Variants in NUDT3 observed in about 807,000 individuals in gnomAD.
NUDT3 encodes diphosphoinositol polyphosphate phosphohydrolase 1.
NUDT3 carries 9 observed loss-of-function variants against 23.6 expected under a neutral mutation model. The observed-to-expected ratio is 0.38, with a 90% CI of 0.23 to 0.66. The LOEUF is 0.66. Among genes scored for constraint, NUDT3 ranks in the 30% least tolerant of loss-of-function variants. The pLI is 0.52. For missense variants in NUDT3, 172 were observed against 218.5 expected, an observed-to-expected ratio of 0.79 and a Z score of 1.34; for synonymous variants, 86 against 82.6, an observed-to-expected ratio of 1.04 and a Z score of -0.22.
chr6:34,331,576 T>C (rs907259995), intron 2 of NUDT3, among the ~76,000 whole-genome samples: 1 of 152,120 alleles, frequency 6.6e-6, no homozygotes, highest in African/African-American at 2.4e-5. Flanking sequence ...ACTATTAGGA[T>C]AGAAGTGAGG....
intron 2 of NUDT3, among the ~76,000 whole-genome samples, chr6:34,323,293 C>A (rs755550510): frequency 5.9e-5 from 9 of 152,058 alleles, no homozygotes; most frequent in Non-Finnish European, 8.8e-5. Flanking sequence ...GAAAGACGGG[C>A]TGGGCACAGT....
Position 34,280,423 on chromosome 6 carries a change from G to C in NUDT3, c.*8330C>G, listed in dbSNP as rs1445384682. On this transcript the variant is annotated 3_prime_UTR_variant, in exon 5 of 5. Transcript: ENST00000607016. ...TAAATCCTGGACAGCATTTGGATTGGGGGTAAGGGCAATTTTACTCCAGCT... is the reference window on the plus strand; with the variant it reads ...TAAATCCTGGACAGCATTTGGATTGCGGGTAAGGGCAATTTTACTCCAGCT... 6.6e-6 allele frequency: 1 copy of C among 152,180 alleles called. No individual in the cohort carries two copies. The highest frequency in any genetic ancestry group is 1.9e-4 in the East Asian group (1 of 5,192). 9.4% of individuals were successfully genotyped at this position (152,180 alleles called of 1,614,324 possible). A position where few individuals can be genotyped will look rare whatever the true frequency, so the allele number is the denominator to read the frequency against.
At chr6:34,377,113 A>G (rs1162320458) in intron 1 of NUDT3, among the ~76,000 whole-genome samples, 1 of 152,006 alleles carries the variant, frequency 6.6e-6, no homozygotes, top group Non-Finnish European at 1.5e-5. Flanking sequence ...CCTTTCCTAC[A>G]TTTTTTTCTA....
At chr6:34,323,104 G>A (rs1763970646) in intron 2 of NUDT3, among the ~76,000 whole-genome samples, 2 of 152,172 alleles carry the variant, frequency 1.3e-5, no homozygotes, top group Admixed American at 1.3e-4. Flanking sequence ...TCTAAAAGTG[G>A]GGAGGGGGGA....
chr6:34,321,989 A>G (rs1358619318), intron 2 of NUDT3, among the ~76,000 whole-genome samples: 1 of 152,170 alleles, frequency 6.6e-6, no homozygotes. Context: ...GAACTATCCC[A>G]TAGGCAGTGT....
chr6:34,375,108 C>A (rs543193349), intron 1 of NUDT3, among the ~76,000 whole-genome samples: 1 of 152,088 alleles, frequency 6.6e-6, no homozygotes, highest in East Asian at 1.9e-4. Flanking sequence ...GCACTTTGGC[C>A]GAGGTAGGCG....
chr6:34,322,525 G>A (rs140802874), intron 2 of NUDT3, among the ~76,000 whole-genome samples: 27 of 152,218 alleles, frequency 1.8e-4, no homozygotes, highest in Admixed American at 1.4e-3. Context: ...CACTGCGCCC[G>A]GTCACTGGAC....
chr6:34,305,596 CTT>C (rs1554149796), intron 2 of NUDT3, among the ~76,000 whole-genome samples: 5 of 152,078 alleles, frequency 3.3e-5, no homozygotes, highest in Non-Finnish European at 7.4e-5. Flanking sequence ...TGGGCTTGCT[CTT>C]GTTTTTTCCA....
intron 1 of NUDT3, among the ~76,000 whole-genome samples, chr6:34,387,168 G>T (rs1294467677): frequency 2.0e-5 from 3 of 152,182 alleles, no homozygotes; most frequent in Admixed American, 2.0e-4. Flanking sequence ...ATACTTGATA[G>T]TAAATGACTA....
At position 34,372,012 on chromosome 6, in the gene NUDT3, C is replaced by A. The variant is rs185299052; in HGVS notation, c.99+20252G>T. ...CGCAGTGTTTGGTTTTCTGTCCTTG[C>A]GATCGTTTGCTCAGAATGATGGTTT... On this transcript the variant is annotated intron_variant, in intron 1 of 4. Coordinates refer to ENST00000607016, the MANE Select transcript of NUDT3 (RefSeq NM_006703.4). Among the ~76,000 whole-genome samples, 8 of 152,246 alleles carry A rather than the reference C, an allele frequency of 5.3e-5. 1 individual carries two copies. The East Asian group carries it at 1.2e-3, about 22-fold the overall frequency.
intron 1 of NUDT3, among the ~76,000 whole-genome samples, chr6:34,365,345 C>T (rs1034288378): frequency 3.3e-5 from 5 of 152,094 alleles, no homozygotes; most frequent in African/African-American, 1.2e-4. Context: ...AGGAGAATCA[C>T]TTGAACCTGG....
At chr6:34,392,203 C>CG (rs1765215397) in intron 1 of NUDT3, 61 bp downstream of exon 1, 2 of 1,380,890 alleles carry the variant, frequency 1.4e-6, no homozygotes. Context: ...GCGCCCCTCG[C>CG]GCCTCCACCC....
chr6:34,358,717 G>A (rs1041902197), intron 1 of NUDT3, among the ~76,000 whole-genome samples: 8 of 152,172 alleles, frequency 5.3e-5, no homozygotes, highest in African/African-American at 1.2e-4. Context: ...GGGGGCCAGA[G>A]CTAGGACTGG....
chr6:34,332,648 T>C (rs557155111), intron 2 of NUDT3, among the ~76,000 whole-genome samples: 5 of 152,226 alleles, frequency 3.3e-5, no homozygotes, highest in Non-Finnish European at 4.4e-5. Flanking sequence ...CTAAAGTATA[T>C]GGGAGGATAT....
chr6:34,375,115 G>A (rs1037644235), intron 1 of NUDT3, among the ~76,000 whole-genome samples: 17 of 152,184 alleles, frequency 1.1e-4, no homozygotes, highest in Non-Finnish European at 2.2e-4. Context: ...GGCCGAGGTA[G>A]GCGGATCACC....
chr6:34,363,849 T>C (rs1764685509), intron 1 of NUDT3, among the ~76,000 whole-genome samples: 1 of 152,070 alleles, frequency 6.6e-6, no homozygotes, highest in South Asian at 2.1e-4. Context: ...CTCAGCTCAC[T>C]GCAACCTCCT....
intron 2 of NUDT3, among the ~76,000 whole-genome samples, chr6:34,333,682 G>A (rs1198530943): frequency 6.6e-6 from 1 of 152,210 alleles, no homozygotes; most frequent in Non-Finnish European, 1.5e-5. Context: ...AAAAGGTGCT[G>A]CAGATGGTAC....
At chr6:34,294,792 A>T (rs1367666806) in intron 3 of NUDT3, among the ~76,000 whole-genome samples, 1 of 150,406 alleles carries the variant, frequency 6.6e-6, no homozygotes, top group Non-Finnish European at 1.5e-5. Flanking sequence ...TGACATTTTT[A>T]TTTTGTAAAC....
chr6:34,282,353 A>G lies in NUDT3; in HGVS notation c.*6400T>C, dbSNP rs959025372. 1 of 152,196 alleles carries G rather than the reference A, an allele frequency of 6.6e-6. No homozygotes were observed. The highest frequency in any genetic ancestry group is 2.4e-5 in the African/African-American group (1 of 41,440). 9.4% of individuals were successfully genotyped at this position (152,196 alleles called of 1,614,324 possible). On this transcript the variant is annotated 3_prime_UTR_variant, in exon 5 of 5. Coordinates refer to ENST00000607016, the MANE Select transcript of NUDT3 (RefSeq NM_006703.4). ...GACTTCTTAAAGGGATTCACAGGCA[A>G]TATTACTGGCAAAATGATTTTCCAA...
Sources: allele counts gnomAD v4.1 joint callset (sites outside exome capture counted in the v4.1 genomes callset), GRCh38; gene constraint gnomAD v4.1.1; transcripts MANE v1.5; gene names NCBI Gene and HGNC (gene_info 2026-07-23, HGNC 2026-07-21).